Variants in C15orf39 observed in about 807,000 individuals in gnomAD.
C15orf39 encodes the protein uncharacterized protein C15orf39.
In C15orf39, 24 loss-of-function variants were observed where a neutral mutation model predicts 53.9. That is an observed-to-expected ratio of 0.45 (90% confidence interval 0.32 to 0.63). The LOEUF is 0.63. Ranked by LOEUF, C15orf39 falls within the 20% of genes least tolerant of loss-of-function variation. C15orf39 has a pLI of 0.04. For missense variants in C15orf39, 1,271 were observed against 1,347.9 expected (o/e 0.94, Z 0.89); for synonymous variants, 569 against 576.5 (o/e 0.99, Z 0.19).
chr15:75,207,233 A>C lies in C15orf39; in HGVS notation c.1185A>C (p.Gly395=), dbSNP rs997598155. 2 of 1,613,586 alleles carry C rather than the reference A, an allele frequency of 1.2e-6. No homozygotes were observed. Among genetic ancestry groups the C allele is most frequent in the Non-Finnish European group, 1.7e-6 (2 of 1,179,942 alleles). Residue 395 remains glycine (G), a synonymous_variant, in exon 2 of 3, where the codon GGA becomes GGC. Transcript: ENST00000394987. ...LSLYGASPGL[G]GTPPSQNNVR... ...TCTATGGAGCATCCCCTGGGCTTGG[A>C]GGGACACCACCTTCCCAGAACAATG...
rs768063957 is a variant in C15orf39 at position 75,207,202 on chromosome 15, T to C, written c.1154T>C (p.Leu385Pro). ...AGTTTTCCTTATGCCCGGGATGACC[T>C]CTCTCTCTATGGAGCATCCCCTGGG... Reference protein sequence around the residue: ...TLSFPYARDDLSLYGASPGLG... With the variant: ...TLSFPYARDDPSLYGASPGLG... Residue 385 changes from leucine (L) to proline (P), a missense_variant, in exon 2 of 3, where the codon CTC becomes CCC. By Grantham distance (98) the Leu-to-Pro change is moderately conservative (BLOSUM62 -3). Coordinates refer to ENST00000394987, the MANE Select transcript of C15orf39 (RefSeq NM_015492.5). 108 of 1,613,432 alleles carry C rather than the reference T, an allele frequency of 6.7e-5. No homozygotes were observed. Among genetic ancestry groups the C allele is most frequent in the Non-Finnish European group, 8.6e-5 (102 of 1,179,896 alleles).
upstream of C15orf39, chr15:75,199,110 C>G (rs937587299): frequency 6.6e-6 from 1 of 152,230 alleles, no homozygotes; most frequent in East Asian, 1.9e-4. Flanking sequence ...CAAGTCATGT[C>G]CCTGTAACGA....
chr15:75,206,264 G>T lies in C15orf39; in HGVS notation c.216G>T (p.Leu72Phe). ...CGTCCTGGACCCCATACCCACCCTT[G>T]TACTCTACCGGTATGGCAGGACCCC... ...QLASWTPYPPLYSTGMAGPPL... is the reference protein window; with the variant it reads ...QLASWTPYPPFYSTGMAGPPL... The change falls in exon 2 of 3, where the codon TTG becomes TTT. Residue 72 changes from leucine (L) to phenylalanine (F), a missense_variant. This residue lies in a region of C15orf39 where 994 missense variants were observed against 993.7 expected (regional missense o/e 1.00). Transcript: ENST00000394987. 2 of 1,614,062 alleles carry T rather than the reference G, an allele frequency of 1.2e-6. No homozygotes were observed. Among genetic ancestry groups the T allele is most frequent in the Non-Finnish European group, 1.7e-6 (2 of 1,179,978 alleles).
chr15:75,209,583 T>A (rs2070469062), intron 2 of C15orf39: 2 of 152,272 alleles, frequency 1.3e-5, no homozygotes. Flanking sequence ...GCCGAAGTGT[T>A]GTGTGGCGTG....
upstream of C15orf39, among the ~76,000 whole-genome samples, chr15:75,199,623 T>A (rs1201835352): frequency 6.6e-6 from 1 of 152,186 alleles, no homozygotes. Context: ...GGATCTGACC[T>A]TTTACCTTGC....
Position 75,205,942 on chromosome 15 carries a change from T to C in C15orf39, c.-50-57T>C, listed in dbSNP as rs2070434139. ...AGCTGATGAGAGCAGCAGCCCTCTG[T>C]TGCTTTGCCTGTAGCCTGTTTTCCT... On this transcript the variant is annotated intron_variant, in intron 1 of 2. Coordinates refer to ENST00000394987, the MANE Select transcript of C15orf39 (RefSeq NM_015492.5). 2.6e-6 allele frequency: 3 copies of C among 1,173,972 alleles called. No homozygotes were observed. The Admixed American group carries it at 8.4e-5, about 33-fold the overall frequency. 72.7% of individuals were successfully genotyped at this position (1,173,972 alleles called of 1,614,324 possible).
rs1338781724 is a variant in C15orf39, at chr15:75,210,602, G to A, written c.2777-147G>A. 3.3e-6 allele frequency: 4 copies of A among 1,196,044 alleles called. No individual in the cohort carries two copies. The South Asian group carries it at 4.7e-5, about 14-fold the overall frequency. 74.1% of individuals were successfully genotyped at this position (1,196,044 alleles called of 1,614,324 possible). ...GAAGCACATCTTTTTTGCTTGGATG[G>A]TCTGGCCAGTGGGCATGTGTGGGGA... On this transcript the variant is annotated intron_variant, in intron 2 of 2. Transcript: ENST00000394987.
rs549396389 is a variant in C15orf39 at position 75,210,842 on chromosome 15, C to T, written c.2870C>T (p.Pro957Leu). Residue 957 changes from proline to leucine, a missense_variant, in exon 3 of 3, where the codon CCG (proline) becomes CTG (leucine). Around this residue, in one of 2 missense-constraint regions of C15orf39, gnomAD observed 277 missense variants for 354.1 expected, o/e 0.78. Coordinates refer to ENST00000394987, the MANE Select transcript of C15orf39 (RefSeq NM_015492.5). ...AGCCTAGCCCTGGCTCAGAAGTCACCGGCCCCCAAGGTCAGGAAGCCAGGC... is the reference window on the plus strand; with the variant it reads ...AGCCTAGCCCTGGCTCAGAAGTCACTGGCCCCCAAGGTCAGGAAGCCAGGC... Reference protein sequence around the residue: ...PESLALAQKSPAPKVRKPGRK... With the variant: ...PESLALAQKSLAPKVRKPGRK... The T allele has an allele frequency of 4.7e-5, 76 of 1,613,786 alleles. No homozygotes were observed. The highest frequency in any genetic ancestry group is 2.6e-4 in the South Asian group (24 of 91,068).
Position 75,211,251 on chromosome 15 carries a change from G to A in C15orf39, c.*135G>A. The A allele has an allele frequency of 5.6e-6, 7 of 1,255,990 alleles. No individual in the cohort carries two copies. Among genetic ancestry groups the A allele is most frequent in the South Asian group, 4.8e-5 (3 of 62,960 alleles). 77.8% of individuals were successfully genotyped at this position (1,255,990 alleles called of 1,614,324 possible). A position where few individuals can be genotyped will look rare whatever the true frequency, so the allele number is the denominator to read the frequency against. On this transcript the variant is annotated 3_prime_UTR_variant, in exon 3 of 3. Coordinates refer to ENST00000394987, the MANE Select transcript of C15orf39 (RefSeq NM_015492.5). ...GAGGGGTTCCATCTCTGACCCTGTG[G>A]CCCATTCAGGGTGGGCTGAAGAGCC... is the stretch of plus-strand genomic sequence containing the variant.
At position 75,206,542 on chromosome 15, in the gene C15orf39, C is replaced by T; in HGVS notation, c.494C>T (p.Pro165Leu). The change falls in exon 2 of 3, where the codon CCC (proline) becomes CTC (leucine). Residue 165 changes from proline to leucine, a missense_variant. Around this residue, in one of 2 missense-constraint regions of C15orf39, gnomAD observed 994 missense variants for 993.7 expected, o/e 1.00. Coordinates refer to ENST00000394987, the MANE Select transcript of C15orf39 (RefSeq NM_015492.5). ...LDVDWTLATG[P>L]LLPSADPPCS... ...GTTGACTGGACTCTGGCGACTGGGC[C>T]CCTGTTGCCCTCAGCTGACCCACCC... The T allele has an allele frequency of 6.2e-7, 1 of 1,613,948 alleles. No homozygotes were observed. The highest frequency in any genetic ancestry group is 8.5e-7 in the Non-Finnish European group (1 of 1,179,950).
chr15:75,210,868 AG>A lies in C15orf39; in HGVS notation c.2898del (p.Lys967SerfsTer36). 6.2e-7 allele frequency: 1 copy of A among 1,613,828 alleles called. No homozygotes were observed. Among genetic ancestry groups the A allele is most frequent in the South Asian group, 1.1e-5 (1 of 91,080 alleles). ...GGCCCCCAAGGTCAGGAAGCCAGGCAGGAAGCCACCAACCCCTGGCCCGGAG... is the reference window on the plus strand; with the variant it reads ...GGCCCCCAAGGTCAGGAAGCCAGGCAGAAGCCACCAACCCCTGGCCCGGAG... ...SPAPKVRKPG[R>X]KPPTPGPEKA... On this transcript the variant is annotated frameshift_variant, in exon 3 of 3. Transcript: ENST00000394987. LOFTEE classifies it low-confidence loss of function (END_TRUNC).
intron 2 of C15orf39, 135 bp downstream of exon 2, chr15:75,208,959 C>A (rs2070464132): frequency 7.2e-7 from 1 of 1,393,056 alleles, no homozygotes; most frequent in Non-Finnish European, 9.4e-7. Flanking sequence ...TTAGGATGAG[C>A]TCTAGGTACC....
intron 1 of C15orf39, among the ~76,000 whole-genome samples, chr15:75,205,035 G>A (rs2070428894): frequency 6.6e-6 from 1 of 152,276 alleles, no homozygotes; most frequent in East Asian, 1.9e-4. Flanking sequence ...GATGTCCCCA[G>A]TTACCTCTCC....
chr15:75,207,792 A>G lies in C15orf39; in HGVS notation c.1744A>G (p.Thr582Ala). Residue 582 changes from threonine to alanine, a missense_variant, in exon 2 of 3, where the codon ACA becomes GCA. Physicochemically the swap from Thr to Ala is moderately conservative, Grantham distance 58. This residue lies in a region of C15orf39 where 994 missense variants were observed against 993.7 expected (regional missense o/e 1.00). Transcript: ENST00000394987. ...VALDLSVRKP[T>A]AEASPVKASR... ...CCTGGATTTGAGTGTGAGGAAGCCC[A>G]CAGCAGAGGCCTCCCCTGTCAAGGC... The G allele has an allele frequency of 6.2e-7, 1 of 1,612,148 alleles. No homozygotes were observed. The highest frequency in any genetic ancestry group is 1.7e-4 in the Middle Eastern group (1 of 6,058).
chr15:75,206,240 G>A lies in C15orf39; in HGVS notation c.192G>A (p.Ala64=), dbSNP rs777215863. The A allele has an allele frequency of 5.1e-5, 83 of 1,613,966 alleles. No individual in the cohort carries two copies. The highest frequency in any genetic ancestry group is 2.9e-4 in the African/African-American group (22 of 74,898). The change falls in exon 2 of 3, where the codon GCG becomes GCA. Residue 64 remains alanine (A), a synonymous_variant. Coordinates refer to ENST00000394987, the MANE Select transcript of C15orf39 (RefSeq NM_015492.5). ...GTPKAESEQL[A]SWTPYPPLYS... ...CTAAGGCCGAGTCTGAGCAGTTGGC[G>A]TCCTGGACCCCATACCCACCCTTGT... is the stretch of plus-strand genomic sequence containing the variant.
Position 75,207,051 on chromosome 15 carries a change from A to C in C15orf39, c.1003A>C (p.Ile335Leu). ...GCAGCAGGCAGCCCAGGCACCTTAC[A>C]TTCCCCCACTGGGGCTGGACGCTTA... ...LRQQAAQAPY[I>L]PPLGLDAYPY... The change falls in exon 2 of 3, where the codon ATT becomes CTT. Residue 335 changes from isoleucine (I) to leucine (L), a missense_variant. Physicochemically the swap from Ile to Leu is conservative, Grantham distance 5. Around this residue, in one of 2 missense-constraint regions of C15orf39, gnomAD observed 994 missense variants for 993.7 expected, o/e 1.00. Transcript: ENST00000394987. The C allele has an allele frequency of 1.2e-6, 2 of 1,609,274 alleles. No individual in the cohort carries two copies. The highest frequency in any genetic ancestry group is 1.7e-6 in the Non-Finnish European group (2 of 1,177,926).
intron 1 of C15orf39, among the ~76,000 whole-genome samples, chr15:75,203,717 G>T (rs1415954454): frequency 6.6e-6 from 1 of 152,104 alleles, no homozygotes; most frequent in Admixed American, 6.5e-5. Flanking sequence ...TGGGGGTGGG[G>T]ACCCAGCAGA....
rs1321600906 is a variant in C15orf39, at chr15:75,208,134, C to T, written c.2086C>T (p.Gln696Ter). ...GCCCATTGGACTGCGGATTCTCGCTCAACAGCCCTTGTCTGTGACCTGCTT... is the reference window on the plus strand; with the variant it reads ...GCCCATTGGACTGCGGATTCTCGCTTAACAGCCCTTGTCTGTGACCTGCTT... ...SGPIGLRILA[Q>*]QPLSVTCFSL... is the part of the protein sequence containing the mutation. The change falls in exon 2 of 3, where the codon CAA (glutamine) becomes TAA (stop). Residue 696 changes from glutamine (Q) to a stop codon, truncating the protein, a stop_gained. Coordinates refer to ENST00000394987, the MANE Select transcript of C15orf39 (RefSeq NM_015492.5). LOFTEE classifies it high-confidence loss of function. 2 of 1,614,026 alleles carry T rather than the reference C, an allele frequency of 1.2e-6. No homozygotes were observed. The highest frequency in any genetic ancestry group is 1.7e-6 in the Non-Finnish European group (2 of 1,180,042).
rs768815399 is a variant in C15orf39 at position 75,208,285 on chromosome 15, C to T, written c.2237C>T (p.Ala746Val). ...ASARDPAPAP[A>V]PVAGPAPAST... ...GCCCGGGATCCAGCTCCAGCTCCAG[C>T]TCCAGTTGCAGGCCCTGCTCCAGCA... Residue 746 changes from alanine to valine, a missense_variant, in exon 2 of 3, where the codon GCT becomes GTT. Around this residue, in one of 2 missense-constraint regions of C15orf39, gnomAD observed 994 missense variants for 993.7 expected, o/e 1.00. Coordinates refer to ENST00000394987, the MANE Select transcript of C15orf39 (RefSeq NM_015492.5). 4 of 1,582,830 alleles carry T rather than the reference C, an allele frequency of 2.5e-6. No homozygotes were observed. Among genetic ancestry groups the T allele is most frequent in the East Asian group, 2.3e-5 (1 of 42,908 alleles).
Sources: gnomAD v4.1 joint callset for allele counts (sites outside exome capture counted in the v4.1 genomes callset) on GRCh38, gnomAD v4.1.1 for gene constraint, gnomAD v4.1.1 regional missense constraint, MANE v1.5 for transcripts, NCBI Gene and HGNC (gene_info 2026-07-23, HGNC 2026-07-21) for gene names.